The following ACSM1 variants were observed in gnomAD, a reference collection of about 807,000 sequenced individuals.
ACSM1 encodes the protein acyl-CoA synthetase medium chain family member 1.
ACSM1 carries 79 observed loss-of-function variants against 75.8 expected under a neutral mutation model. That is an observed-to-expected ratio of 1.04 (90% CI 0.87 to 1.26). The LOEUF (loss-of-function observed/expected upper bound fraction) is 1.26, where lower values mean the gene tolerates loss of function less well. Among genes scored for constraint, ACSM1 ranks in the 50% most tolerant of loss-of-function variants. The probability of loss-of-function intolerance (pLI) is 0.00; values close to 1 mark genes in which losing one functional copy is unlikely to be tolerated. For missense variants in ACSM1, 676 were observed against 720.1 expected (o/e 0.94, Z 0.70); for synonymous variants, 279 against 265.8 (o/e 1.05, Z -0.48).
intron 2 of ACSM1, among the ~76,000 whole-genome samples, chr16:20,689,693 T>C (rs139128760): frequency 3.4e-4 from 52 of 152,354 alleles, no homozygotes; most frequent in Admixed American, 1.3e-3. Context: ...CAAATTTATA[T>C]AGTAATGTTC....
chr16:20,664,648 T>C (rs908584688), intron 6 of ACSM1, among the ~76,000 whole-genome samples: 16 of 152,158 alleles, frequency 1.1e-4, no homozygotes, highest in African/African-American at 3.6e-4. Flanking sequence ...ATTTGACCAA[T>C]TGGACCTAAT....
intron 6 of ACSM1, among the ~76,000 whole-genome samples, chr16:20,663,263 C>T (rs28412173): frequency 2.8e-3 from 421 of 152,242 alleles, no homozygotes; most frequent in African/African-American, 9.7e-3. Context: ...AATGCTAAAC[C>T]GTCACAGTTA....
At chr16:20,695,876 T>C (rs1359236130) in intron 1 of ACSM1, among the ~76,000 whole-genome samples, 1 of 152,222 alleles carries the variant, frequency 6.6e-6, no homozygotes, top group African/African-American at 2.4e-5. Context: ...TCTGTGTATA[T>C]CTATACATTA....
intron 8 of ACSM1, among the ~76,000 whole-genome samples, chr16:20,639,416 C>T (rs1224967931): frequency 6.6e-6 from 1 of 152,162 alleles, no homozygotes; most frequent in Non-Finnish European, 1.5e-5. Flanking sequence ...CCAGCTTCCT[C>T]CTGCCTCTGC....
chr16:20,648,193 G>A lies in ACSM1; in HGVS notation c.993-7609C>T, dbSNP rs985132627. On this transcript the variant is annotated intron_variant, in intron 7 of 13. Coordinates refer to ENST00000520010, the MANE Select transcript of ACSM1 (RefSeq NM_001318890.3). The surrounding 1 kb of genome is among the most constrained non-coding windows in gnomAD (Gnocchi z 4.2). The stretch of plus-strand genomic sequence containing the variant: ...CATATCCAGGAGAGACTGAGAATCT[G>A]ACAACTTTAAAAGTCTGAAAAGAAA... Among the ~76,000 whole-genome samples the A allele has an allele frequency of 6.6e-6, 1 of 152,168 alleles. No homozygotes were observed. The highest frequency in any genetic ancestry group is 2.4e-5 in the African/African-American group (1 of 41,444).
intron 13 of ACSM1, 59 bp from the exon 14 acceptor site, chr16:20,623,631 T>G: frequency 3.3e-6 from 5 of 1,499,826 alleles, no homozygotes; most frequent in Non-Finnish European, 4.6e-6. Flanking sequence ...TCCTAACAAT[T>G]CTCCACTCTC....
At chr16:20,664,628 TAAA>T (rs1188234100) in intron 6 of ACSM1, among the ~76,000 whole-genome samples, 2 of 152,162 alleles carry the variant, frequency 1.3e-5, no homozygotes, top group Non-Finnish European at 2.9e-5. Context: ...ATTATGGACT[TAAA>T]CTCAACATTT....
intron 1 of ACSM1, among the ~76,000 whole-genome samples, chr16:20,695,418 T>C (rs980969338): frequency 6.6e-6 from 1 of 152,238 alleles, no homozygotes; most frequent in East Asian, 1.9e-4. Context: ...AGGGAAGCTC[T>C]TATAGAGTAG....
At chr16:20,679,443 T>C (rs74011819) in intron 4 of ACSM1, 1 of 152,244 alleles carries the variant, frequency 6.6e-6, no homozygotes, top group African/African-American at 2.4e-5. Flanking sequence ...GGACCATCTC[T>C]AGATAAGTAA....
intron 6 of ACSM1, among the ~76,000 whole-genome samples, chr16:20,663,277 T>A (rs1326134544): frequency 6.6e-6 from 1 of 152,132 alleles, no homozygotes; most frequent in East Asian, 1.9e-4. Flanking sequence ...ACAGTTATGC[T>A]TGATGCACTG....
intron 6 of ACSM1, among the ~76,000 whole-genome samples, chr16:20,664,551 A>C (rs1259129057): frequency 6.6e-6 from 1 of 152,194 alleles, no homozygotes; most frequent in African/African-American, 2.4e-5. Flanking sequence ...AAACAAAAAT[A>C]GTGGGGGACT....
chr16:20,625,269 A>G (rs1333217350), intron 12 of ACSM1, among the ~76,000 whole-genome samples, 154 bp downstream of exon 12: 1 of 152,230 alleles, frequency 6.6e-6, no homozygotes, highest in East Asian at 1.9e-4. Context: ...AGAGCCACAG[A>G]GAGTCCACAC....
chr16:20,683,107 T>C (rs2079479186), intron 3 of ACSM1, among the ~76,000 whole-genome samples: 1 of 151,822 alleles, frequency 6.6e-6, no homozygotes, highest in African/African-American at 2.4e-5. Flanking sequence ...CTGAATTTCT[T>C]TTTTTCTTTT....
intron 1 of ACSM1, among the ~76,000 whole-genome samples, chr16:20,696,907 G>C (rs2079692640): frequency 6.6e-6 from 1 of 152,156 alleles, no homozygotes; most frequent in Admixed American, 6.5e-5. Flanking sequence ...GGTCTTTGGT[G>C]CTGTTCATGT....
chr16:20,626,970 T>C (rs1485868361), intron 11 of ACSM1, among the ~76,000 whole-genome samples: 2 of 152,040 alleles, frequency 1.3e-5, no homozygotes, highest in African/African-American at 4.8e-5. Flanking sequence ...TTATTATGGC[T>C]CCTCTTCCAG....
chr16:20,669,671 A>T (rs558149213), intron 6 of ACSM1, among the ~76,000 whole-genome samples, 156 bp downstream of exon 6: 2 of 152,256 alleles, frequency 1.3e-5, no homozygotes, highest in South Asian at 4.1e-4. Context: ...AGGTATAGTG[A>T]CTCAGACTCA....
In ACSM1 at chr16:20,682,533, C is replaced by T. The variant is rs2079469409; in HGVS notation, c.404-70G>A. On this transcript the variant is annotated intron_variant, in intron 3 of 13. Transcript: ENST00000520010. ...ACCATGGGCTTTAGACTTGGCTTGTCTGCATCGAAATACCCTAACTTCTTG... is the reference window on the plus strand; with the variant it reads ...ACCATGGGCTTTAGACTTGGCTTGTTTGCATCGAAATACCCTAACTTCTTG... 1.5e-5 allele frequency: 20 copies of T among 1,297,036 alleles called. No homozygotes were observed. The Admixed American group carries it at 3.3e-4, about 21-fold the overall frequency. 80.3% of individuals were successfully genotyped at this position (1,297,036 alleles called of 1,614,324 possible). A position where few individuals can be genotyped will look rare whatever the true frequency, so the allele number is the denominator to read the frequency against.
At chr16:20,635,917 G>A (rs57657388) in intron 10 of ACSM1, among the ~76,000 whole-genome samples, 2,488 of 152,198 alleles carry the variant, frequency 0.016, 54 homozygotes, top group African/African-American at 0.056. Context: ...GGGATTACAA[G>A]TGTGAGCCAC....
chr16:20,680,664 A>T (rs2079424631), intron 4 of ACSM1: 1 of 152,236 alleles, frequency 6.6e-6, no homozygotes, highest in African/African-American at 2.4e-5. Flanking sequence ...TAACCTGCCT[A>T]GGGCAACAGT....
Sources: allele counts gnomAD v4.1 joint callset (sites outside exome capture counted in the v4.1 genomes callset), GRCh38; gene constraint gnomAD v4.1.1; non-coding constraint Gnocchi (gnomAD v3.1); transcripts MANE v1.5; gene names NCBI Gene and HGNC (gene_info 2026-07-23, HGNC 2026-07-21).